The following AXIN1 variants were observed in gnomAD, a reference collection of about 807,000 sequenced individuals.
AXIN1 encodes axin-1.
AXIN1 carries 30 observed loss-of-function variants against 76.4 expected under a neutral mutation model. The observed-to-expected ratio is 0.39, with a 90% CI of 0.29 to 0.53. AXIN1 has a LOEUF of 0.53. Ranked by LOEUF, AXIN1 falls within the 20% of genes least tolerant of loss-of-function variation. The pLI, the probability that AXIN1 is intolerant of heterozygous loss-of-function variation, is 0.66. For missense variants in AXIN1, 1,140 were observed against 1,198.8 expected, an observed-to-expected ratio of 0.95 and a Z score of 0.72; for synonymous variants, 545 against 501.4, an observed-to-expected ratio of 1.09 and a Z score of -1.16.
At chr16:320,901 G>A (rs1015278190) in intron 2 of AXIN1, among the ~76,000 whole-genome samples, 25 of 151,454 alleles carry the variant, frequency 1.7e-4, no homozygotes, top group East Asian at 3.9e-4. Context: ...CACCACGCCC[G>A]GCTAATTTTT....
At chr16:326,394 T>TATATATATATACACACACAC (rs144093618) in intron 2 of AXIN1, among the ~76,000 whole-genome samples, 1 of 119,660 alleles carries the variant, frequency 8.4e-6, no homozygotes, top group Non-Finnish European at 1.7e-5. Flanking sequence ...TATATATATA[T>TATATATATATACACACACAC]ACACACCTAT....
At chr16:305,333 G>A (rs1186816654) in intron 4 of AXIN1, among the ~76,000 whole-genome samples, 1 of 152,096 alleles carries the variant, frequency 6.6e-6, no homozygotes, top group East Asian at 1.9e-4. Context: ...AATTAGCCGG[G>A]TGTGGTGGCA....
rs773029973 is a variant in AXIN1 at position 297,217 on chromosome 16, C to T, written c.1794G>A (p.Val598=). The T allele has an allele frequency of 7.5e-6, 12 of 1,606,312 alleles. No homozygotes were observed. The highest frequency in any genetic ancestry group is 1.0e-5 in the Non-Finnish European group (12 of 1,179,898). The change falls in exon 7 of 11, where the codon GTG becomes GTA. Residue 598 remains valine (V), a synonymous_variant. Coordinates refer to ENST00000262320, the MANE Select transcript of AXIN1 (RefSeq NM_003502.4). ...ASDGLAHSGK[V]GVACKRNAKK... is the part of the protein sequence containing the mutation. ...TGGCATTTCTTTTGCACGCCACGCC[C>T]ACCTTCCCACTGCAAGGGCAAGAGC... is the stretch of plus-strand genomic sequence containing the variant.
intron 2 of AXIN1, among the ~76,000 whole-genome samples, chr16:328,816 G>T (rs866906805): frequency 4.6e-5 from 7 of 152,214 alleles, no homozygotes; most frequent in African/African-American, 1.7e-4. Flanking sequence ...ATGGCAGGCA[G>T]GGAGAGTGTG....
Position 347,121 on chromosome 16 carries a change from A to G in AXIN1, c.-81-15T>C. The G allele has an allele frequency of 1.9e-6, 3 of 1,603,902 alleles. No homozygotes were observed. The highest frequency in any genetic ancestry group is 1.7e-6 in the Non-Finnish European group (2 of 1,177,962). ...ATCAATCTGTCCTGTTGAAACCATT[A>G]AGAGGACAAGGATTAGGAAAGGTGG... On this transcript the variant is annotated splice_polypyrimidine_tract_variant and intron_variant, in intron 1 of 10. Coordinates refer to ENST00000262320, the MANE Select transcript of AXIN1 (RefSeq NM_003502.4).
intron 9 of AXIN1, 120 bp from the exon 10 acceptor site, chr16:289,727 C>T (rs423749): frequency 0.12 from 153,622 of 1,291,452 alleles, 10,516 homozygotes; most frequent in African/African-American, 0.15. Flanking sequence ...AGCAGCACCC[C>T]ATTCAAACAC....
intron 1 of AXIN1, 37 bp from the exon 2 acceptor site, chr16:347,143 GT>G: frequency 6.3e-7 from 1 of 1,576,042 alleles, no homozygotes; most frequent in Non-Finnish European, 8.6e-7. Flanking sequence ...ATTAGGAAAG[GT>G]GGGTCCATGA....
At chr16:303,036 A>AT (rs1015758332) in intron 5 of AXIN1, among the ~76,000 whole-genome samples, 1 of 151,856 alleles carries the variant, frequency 6.6e-6, no homozygotes, top group African/African-American at 2.4e-5. Context: ...TAATTTTGAA[A>AT]TTTTTTCTAG....
chr16:345,185 TCCCTCCCAG>T (rs1013524365), intron 2 of AXIN1, among the ~76,000 whole-genome samples: 7 of 152,022 alleles, frequency 4.6e-5, no homozygotes, highest in African/African-American at 1.7e-4. Context: ...ACCACTCTGC[TCCCTCCCAG>T]GCAACACACG....
intron 2 of AXIN1, among the ~76,000 whole-genome samples, chr16:316,854 C>T (rs1343731231): frequency 6.6e-6 from 1 of 152,214 alleles, no homozygotes; most frequent in Admixed American, 6.5e-5. Context: ...ATACAGGGTT[C>T]AGTACTATCG....
At chr16:324,584 A>G (rs1455426234) in intron 2 of AXIN1, among the ~76,000 whole-genome samples, 1 of 152,214 alleles carries the variant, frequency 6.6e-6, no homozygotes, top group Non-Finnish European at 1.5e-5. Context: ...GGTGGTCAGT[A>G]GGCGCTTCCA....
At chr16:339,893 A>G (rs1188138075) in intron 2 of AXIN1, among the ~76,000 whole-genome samples, 1 of 152,102 alleles carries the variant, frequency 6.6e-6, no homozygotes, top group Non-Finnish European at 1.5e-5. Context: ...TTGCACAGGA[A>G]GCAGAGTTCA....
chr16:322,621 C>T (rs1252556507), intron 2 of AXIN1, among the ~76,000 whole-genome samples: 5 of 152,156 alleles, frequency 3.3e-5, no homozygotes, highest in African/African-American at 1.2e-4. Context: ...CTCGGGTGTG[C>T]GTCTGCCCCT....
At chr16:337,111 C>G (rs1313079535) in intron 2 of AXIN1, among the ~76,000 whole-genome samples, 3 of 128,366 alleles carry the variant, frequency 2.3e-5, no homozygotes, top group Non-Finnish European at 3.1e-5. Context: ...GATCACACCA[C>G]TGCACTCCAG....
At chr16:345,005 A>T (rs1398170157) in intron 2 of AXIN1, among the ~76,000 whole-genome samples, 5 of 152,172 alleles carry the variant, frequency 3.3e-5, no homozygotes, top group Non-Finnish European at 4.4e-5. Flanking sequence ...CAGGCTTTCA[A>T]AGTTACACAG....
rs1277649811 is a variant in AXIN1, at chr16:297,719, C to A, written c.1784+3G>T. 1.3e-6 allele frequency: 2 copies of A among 1,596,244 alleles called. No individual in the cohort carries two copies. Among genetic ancestry groups the A allele is most frequent in the South Asian group, 1.1e-5 (1 of 89,988 alleles). The stretch of plus-strand genomic sequence containing the variant: ...CCCTCCTCACTGACAGGCGCACGCT[C>A]ACCTGTGGGCGAGGCCATCACTGGC... On this transcript the variant is annotated splice_donor_region_variant and intron_variant, in intron 6 of 10. Coordinates refer to ENST00000262320, the MANE Select transcript of AXIN1 (RefSeq NM_003502.4).
At chr16:289,276 G>C (rs1053778353) in intron 10 of AXIN1, among the ~76,000 whole-genome samples, 164 bp downstream of exon 10, 2 of 152,140 alleles carry the variant, frequency 1.3e-5, no homozygotes, top group Non-Finnish European at 2.9e-5. Context: ...ATGTTGCCCA[G>C]GCTGGTCTCG....
chr16:343,956 C>A (rs536805554), intron 2 of AXIN1, among the ~76,000 whole-genome samples: 1 of 146,108 alleles, frequency 6.8e-6, no homozygotes, highest in East Asian at 2.0e-4. Context: ...GCCGAGATAG[C>A]GAGATAGTGC....
rs377620083 is a variant in AXIN1, at chr16:332,287, C to G, written c.878+13861G>C. ...AACTTTTAGAAACAGGATATAAAAC[C>G]TGCAGCCAGGCTGGGCGCGGTGGCT... On this transcript the variant is annotated intron_variant, in intron 2 of 10. Transcript: ENST00000262320. Among the ~76,000 whole-genome samples, 174 of 152,286 alleles carry G rather than the reference C, an allele frequency of 1.1e-3. 3 individuals are homozygous for G. The highest frequency in any genetic ancestry group is 3.9e-3 in the African/African-American group (161 of 41,552).
Sources: allele counts gnomAD v4.1 joint callset (sites outside exome capture counted in the v4.1 genomes callset), GRCh38; gene constraint gnomAD v4.1.1; transcripts MANE v1.5; gene names NCBI Gene and HGNC (gene_info 2026-07-23, HGNC 2026-07-21).